SCHIP1: variants seen among roughly 807,000 people sequenced by gnomAD.
SCHIP1 encodes schwannomin-interacting protein 1.
Under a neutral mutation model 29.7 loss-of-function variants are expected in SCHIP1, and 8 were observed. The observed-to-expected ratio is 0.27, with a 90% CI of 0.16 to 0.49. The LOEUF (loss-of-function observed/expected upper bound fraction) is 0.49, where lower values mean the gene tolerates loss of function less well. Ranked by LOEUF, SCHIP1 falls within the 20% of genes least tolerant of loss-of-function variation. The pLI is 0.99. For missense variants in SCHIP1, 193 were observed against 294.6 expected (o/e 0.66, Z 2.52); for synonymous variants, 76 against 94.9 (o/e 0.80, Z 1.16).
At chr3:159,334,838 A>G in the SCHIP1 span, among the ~76,000 whole-genome samples, 107 of 152,088 alleles carry the variant, frequency 7.0e-4, no homozygotes, top group East Asian at 6.0e-3. Context: ...AACTACAGAT[A>G]TAGACATTCA....
chr3:159,432,331 TGTGTGTGTGAGA>T, the SCHIP1 span, among the ~76,000 whole-genome samples: 547 of 90,252 alleles, frequency 6.1e-3, 1 homozygote, highest in Non-Finnish European at 8.3e-3. Context: ...TGTGTGTGTG[TGTGTGTGTGAGA>T]GAGAGAGAGA....
At chr3:159,708,622 G>T in the SCHIP1 span, among the ~76,000 whole-genome samples, 1 of 152,208 alleles carries the variant, frequency 6.6e-6, no homozygotes, top group African/African-American at 2.4e-5. Context: ...TCCACTCAAA[G>T]AATTTGGTTG....
At chr3:159,588,543 C>A in the SCHIP1 span, among the ~76,000 whole-genome samples, 1 of 152,114 alleles carries the variant, frequency 6.6e-6, no homozygotes, top group Non-Finnish European at 1.5e-5. Flanking sequence ...CTTGCCCATG[C>A]CTATGTCCTG....
the SCHIP1 span, among the ~76,000 whole-genome samples, chr3:159,651,193 T>C: frequency 6.6e-6 from 1 of 152,212 alleles, no homozygotes; most frequent in Admixed American, 6.5e-5. Context: ...TACCTAAATA[T>C]CTAGCATCAG....
the SCHIP1 span, among the ~76,000 whole-genome samples, chr3:159,631,492 T>C: frequency 6.6e-6 from 1 of 152,060 alleles, no homozygotes; most frequent in African/African-American, 2.4e-5. Context: ...TATTCAAGGA[T>C]AAAAAGGAAT....
chr3:159,631,251 A>C, the SCHIP1 span, among the ~76,000 whole-genome samples: 1 of 152,266 alleles, frequency 6.6e-6, no homozygotes, highest in South Asian at 2.1e-4. Context: ...GGAATGTAAA[A>C]TGGTGTGACT....
intron 6 of SCHIP1, chr3:159,892,482 G>T (rs1717639783): frequency 1.8e-6 from 1 of 563,500 alleles, no homozygotes; most frequent in African/African-American, 1.9e-5. Context: ...TACCTTGAAG[G>T]ACTGTCCCCT....
chr3:159,552,227 G>A, the SCHIP1 span, among the ~76,000 whole-genome samples: 1 of 151,696 alleles, frequency 6.6e-6, no homozygotes, highest in Non-Finnish European at 1.5e-5. Context: ...TGTATTTTTA[G>A]TAGAGATAGG....
the SCHIP1 span, chr3:159,309,267 G>A: frequency 1.1e-5 from 2 of 187,472 alleles, no homozygotes; most frequent in African/African-American, 4.8e-5. Context: ...AAAGGAAATC[G>A]TATTTAAAAT....
chr3:159,413,525 A>G, the SCHIP1 span, among the ~76,000 whole-genome samples: 1 of 152,214 alleles, frequency 6.6e-6, no homozygotes, highest in East Asian at 1.9e-4. Flanking sequence ...TGTTCCAGGA[A>G]GTCTTCCAGG....
At chr3:159,347,469 A>G in the SCHIP1 span, among the ~76,000 whole-genome samples, 1 of 152,212 alleles carries the variant, frequency 6.6e-6, no homozygotes, top group Non-Finnish European at 1.5e-5. Flanking sequence ...TGTCTACCAC[A>G]CTAGTTGTAA....
the SCHIP1 span, among the ~76,000 whole-genome samples, chr3:159,699,247 C>A: frequency 9.2e-5 from 14 of 152,250 alleles, no homozygotes; most frequent in African/African-American, 3.1e-4. Flanking sequence ...TTCATGACAA[C>A]CTTATATAAT....
the SCHIP1 span, among the ~76,000 whole-genome samples, chr3:159,348,042 A>T: frequency 6.6e-6 from 1 of 152,224 alleles, no homozygotes; most frequent in Non-Finnish European, 1.5e-5. Context: ...CAGGCTCAGC[A>T]TACAGTATTC....
chr3:159,715,587 G>A, the SCHIP1 span, among the ~76,000 whole-genome samples: 12 of 152,108 alleles, frequency 7.9e-5, no homozygotes, highest in Admixed American at 2.6e-4. Flanking sequence ...ACCATGGCAC[G>A]AGAACTACGT....
At chr3:159,537,122 A>AT in the SCHIP1 span, among the ~76,000 whole-genome samples, 1 of 152,184 alleles carries the variant, frequency 6.6e-6, no homozygotes, top group Non-Finnish European at 1.5e-5. Context: ...GAAATGCAGG[A>AT]TATTAGGCAG....
At chr3:159,542,837 T>C in the SCHIP1 span, among the ~76,000 whole-genome samples, 1 of 152,056 alleles carries the variant, frequency 6.6e-6, no homozygotes, top group Admixed American at 6.6e-5. Context: ...CTTTCGGAAC[T>C]GAGACCAAAA....
chr3:159,330,905 A>G, the SCHIP1 span, among the ~76,000 whole-genome samples: 9 of 152,054 alleles, frequency 5.9e-5, no homozygotes, highest in Non-Finnish European at 1.2e-4. Flanking sequence ...TCCTTCCTCA[A>G]GGTGAGCTCG....
At chr3:159,742,661 T>C in the SCHIP1 span, among the ~76,000 whole-genome samples, 1 of 151,312 alleles carries the variant, frequency 6.6e-6, no homozygotes, top group African/African-American at 2.4e-5. Context: ...GGATACACTC[T>C]TTTTTTTCTT....
At chr3:159,335,347 C>CT in the SCHIP1 span, among the ~76,000 whole-genome samples, 18 of 151,858 alleles carry the variant, frequency 1.2e-4, no homozygotes, top group African/African-American at 2.4e-4. Flanking sequence ...GATGCCCTGT[C>CT]TTTTTTTTAT....
Sources: gnomAD v4.1 joint callset for allele counts (sites outside exome capture counted in the v4.1 genomes callset) on GRCh38, gnomAD v4.1.1 for gene constraint, MANE v1.5 for transcripts, NCBI Gene and HGNC (gene_info 2026-07-23, HGNC 2026-07-21) for gene names.